Variants in SPATA31E1 observed in about 807,000 individuals in gnomAD.
SPATA31E1 encodes spermatogenesis-associated protein 31E1.
A neutral mutation model predicts 12.9 loss-of-function variants in SPATA31E1; 7 were observed. The observed-to-expected ratio is 0.54, with a 90% CI of 0.31 to 1.02. The LOEUF (loss-of-function observed/expected upper bound fraction) is 1.02. Ranked by LOEUF, SPATA31E1 falls within the 50% of genes least tolerant of loss-of-function variation. SPATA31E1 has a pLI of 0.05. For missense variants in SPATA31E1, 1,961 were observed against 1,799.8 expected, an observed-to-expected ratio of 1.09 and a Z score of -1.62; for synonymous variants, 771 against 719.0, an observed-to-expected ratio of 1.07 and a Z score of -1.16.
At position 87,887,358 on chromosome 9, in the gene SPATA31E1, G is replaced by A; in HGVS notation, c.2871G>A (p.Gly957=). The change falls in exon 4 of 4, where the codon GGG becomes GGA. Residue 957 remains glycine, a synonymous_variant. Transcript: ENST00000325643. ...TTCCGACTGGACACAAGGGCAGGGG[G>A]TGTTCTCAGCCCCCAACATGCAGCC... ...EAFPTGHKGR[G]CSQPPTCSLV... The A allele has an allele frequency of 2.5e-6, 4 of 1,613,828 alleles. No homozygotes were observed. Among genetic ancestry groups the A allele is most frequent in the Non-Finnish European group, 3.4e-6 (4 of 1,180,038 alleles).
Position 87,886,164 on chromosome 9 carries a change from C to T in SPATA31E1, c.1677C>T (p.Val559=). 1.2e-6 allele frequency: 2 copies of T among 1,605,812 alleles called. No homozygotes were observed. Among genetic ancestry groups the T allele is most frequent in the Admixed American group, 3.4e-5 (2 of 59,692 alleles). Residue 559 remains valine, a synonymous_variant, in exon 4 of 4, where the codon GTC becomes GTT. Transcript: ENST00000325643. ...YPTSQERTQS[V]IPTGKEYLEW... ...CATCCCAGGAGAGGACACAGTCTGT[C>T]ATCCCCACTGGAAAGGAGTATCTTG...
At position 87,888,001 on chromosome 9, in the gene SPATA31E1, T is replaced by C. The variant is rs942094973; in HGVS notation, c.3514T>C (p.Trp1172Arg). Residue 1172 changes from tryptophan to arginine, a missense_variant, in exon 4 of 4, where the codon TGG becomes CGG. Physicochemically the swap from Trp to Arg is moderately radical, Grantham distance 101. Transcript: ENST00000325643. ...TASQGPCALL[W>R]KGGDSPGQQE... is the part of the protein sequence containing the mutation. ...TTCCCAGGGGCCATGTGCCCTCCTA[T>C]GGAAGGGAGGGGACAGTCCAGGGCA... The C allele has an allele frequency of 5.6e-6, 9 of 1,613,276 alleles. No individual in the cohort carries two copies. Among genetic ancestry groups the C allele is most frequent in the Middle Eastern group, 1.7e-4 (1 of 6,056 alleles).
At chr9:87,884,857 C>G in intron 3 of SPATA31E1, 56 bp from the exon 4 acceptor site, 1 of 1,547,428 alleles carries the variant, frequency 6.5e-7, no homozygotes, top group Non-Finnish European at 8.7e-7. Flanking sequence ...CCACCCGTCC[C>G]AGCTTCCCGG....
intron 1 of SPATA31E1, among the ~76,000 whole-genome samples, chr9:87,883,602 C>T (rs1485568867): frequency 6.6e-6 from 1 of 152,178 alleles, no homozygotes; most frequent in Non-Finnish European, 1.5e-5. Flanking sequence ...AGCCTGGATT[C>T]GCCTGTGGCT....
Position 87,888,404 on chromosome 9 carries a change from G to A in SPATA31E1, c.3917G>A (p.Arg1306Lys), listed in dbSNP as rs1296663313. The change falls in exon 4 of 4, where the codon AGG becomes AAG. Residue 1306 changes from arginine (R) to lysine (K), a missense_variant. By Grantham distance (26) the Arg-to-Lys change is conservative (BLOSUM62 2). Transcript: ENST00000325643. ...CAGAGCTGGGGGTCTGGCCCACCAA[G>A]GCAGTTTATGGACTGCATGGCTGAC... is the stretch of plus-strand genomic sequence containing the variant. The part of the protein sequence containing the change: ...AFQSWGSGPP[R>K]QFMDCMADKA... 4 of 1,614,154 alleles carry A rather than the reference G, an allele frequency of 2.5e-6. No homozygotes were observed. Among genetic ancestry groups the A allele is most frequent in the Non-Finnish European group, 1.7e-6 (2 of 1,180,028 alleles).
In SPATA31E1 at chr9:87,884,624, C is replaced by G. The variant is rs962261613; in HGVS notation, c.398C>G (p.Thr133Ser). ...ATCCTCCTGAGGGAGCTGGAGGAGACTCGGGACCTGAACTACCTTCTGGAA... is the reference window on the plus strand; with the variant it reads ...ATCCTCCTGAGGGAGCTGGAGGAGAGTCGGGACCTGAACTACCTTCTGGAA... ...CRILLRELEE[T>S]RDLNYLLESH... Residue 133 changes from threonine (T) to serine (S), a missense_variant, in exon 3 of 4, where the codon ACT becomes AGT. Physicochemically the swap from Thr to Ser is moderately conservative, Grantham distance 58. Coordinates refer to ENST00000325643, the MANE Select transcript of SPATA31E1 (RefSeq NM_178828.5). 3 of 1,614,010 alleles carry G rather than the reference C, an allele frequency of 1.9e-6. No individual in the cohort carries two copies. Among genetic ancestry groups the G allele is most frequent in the African/African-American group, 2.7e-5 (2 of 74,918 alleles).
chr9:87,887,356 G>T lies in SPATA31E1; in HGVS notation c.2869G>T (p.Gly957Trp). Residue 957 changes from glycine to tryptophan, a missense_variant, in exon 4 of 4, where the codon GGG (glycine) becomes TGG (tryptophan). Gly to Trp is a radical substitution (Grantham distance 184, BLOSUM62 -2). Transcript: ENST00000325643. ...EAFPTGHKGR[G>W]CSQPPTCSLV... ...CTTTCCGACTGGACACAAGGGCAGG[G>T]GGTGTTCTCAGCCCCCAACATGCAG... 6.2e-7 allele frequency: 1 copy of T among 1,613,146 alleles called. No individual in the cohort carries two copies. Among genetic ancestry groups the T allele is most frequent in the South Asian group, 1.1e-5 (1 of 91,078 alleles).
In SPATA31E1 at chr9:87,883,087, A is replaced by G. The variant is rs1256854418; in HGVS notation, c.196A>G (p.Met66Val). Residue 66 changes from methionine to valine, a missense_variant, in exon 1 of 4, where the codon ATG (methionine) becomes GTG (valine). Transcript: ENST00000325643. ...GAGCCCTAGCTCCACTCCCTGGATG[A>G]TGGATTTCATCCTCACCAGTGTGTG... ...WLSPSSTPWMMDFILTSVCGL... is the reference protein window; with the variant it reads ...WLSPSSTPWMVDFILTSVCGL... 1.2e-6 allele frequency: 2 copies of G among 1,611,608 alleles called. No homozygotes were observed. Among genetic ancestry groups the G allele is most frequent in the East Asian group, 2.2e-5 (1 of 44,814 alleles).
Position 87,886,183 on chromosome 9 carries a change from T to C in SPATA31E1, c.1696T>C (p.Tyr566His), listed in dbSNP as rs1332283394. ...TQSVIPTGKEYLEWPLKKRPK... is the reference protein window; with the variant it reads ...TQSVIPTGKEHLEWPLKKRPK... The stretch of plus-strand genomic sequence containing the variant: ...GTCTGTCATCCCCACTGGAAAGGAG[T>C]ATCTTGAATGGCCCTTGAAGAAGCG... Residue 566 changes from tyrosine to histidine, a missense_variant, in exon 4 of 4, where the codon TAT becomes CAT. Transcript: ENST00000325643. The C allele has an allele frequency of 6.2e-7, 1 of 1,609,170 alleles. No individual in the cohort carries two copies. Among genetic ancestry groups the C allele is most frequent in the South Asian group, 1.1e-5 (1 of 90,508 alleles).
Position 87,885,784 on chromosome 9 carries a change from C to A in SPATA31E1, c.1297C>A (p.Gln433Lys), listed in dbSNP as rs918207096. 9 of 1,613,878 alleles carry A rather than the reference C, an allele frequency of 5.6e-6. No homozygotes were observed. The highest frequency in any genetic ancestry group is 4.0e-5 in the African/African-American group (3 of 74,924). The change falls in exon 4 of 4, where the codon CAG (glutamine) becomes AAG (lysine). Residue 433 changes from glutamine (Q) to lysine (K), a missense_variant. Gln to Lys is a moderately conservative substitution (Grantham distance 53, BLOSUM62 1). Coordinates refer to ENST00000325643, the MANE Select transcript of SPATA31E1 (RefSeq NM_178828.5). ...SDATTVGNHL[Q>K]QKRSQLFWDL... ...TGCCACAACCGTGGGGAACCACTTA[C>A]AGCAGAAACGCAGCCAGCTTTTCTG...
rs1367190833 is a variant in SPATA31E1, at chr9:87,885,562, C to T, written c.1075C>T (p.Pro359Ser). The T allele has an allele frequency of 2.5e-6, 4 of 1,614,180 alleles. No homozygotes were observed. In the African/African-American group the frequency reaches 4.0e-5, roughly 16 times the overall value. ...GGTAGGTGGCTGCACATTCATCCAC[C>T]CTGACGTGCAGAAGCTGCTGGAGAC... is the stretch of plus-strand genomic sequence containing the variant. ...MEVGGCTFIH[P>S]DVQKLLETLI... Residue 359 changes from proline to serine, a missense_variant, in exon 4 of 4, where the codon CCT (proline) becomes TCT (serine). Coordinates refer to ENST00000325643, the MANE Select transcript of SPATA31E1 (RefSeq NM_178828.5).
chr9:87,885,773 G>A lies in SPATA31E1; in HGVS notation c.1286G>A (p.Gly429Glu), dbSNP rs753359007. The A allele has an allele frequency of 2.5e-6, 4 of 1,613,896 alleles. No individual in the cohort carries two copies. Among genetic ancestry groups the A allele is most frequent in the Non-Finnish European group, 3.4e-6 (4 of 1,180,050 alleles). Residue 429 changes from glycine to glutamate, a missense_variant, in exon 4 of 4, where the codon GGG (glycine) becomes GAG (glutamate). Transcript: ENST00000325643. ...CAAGTCTCTGATGCCACAACCGTGG[G>A]GAACCACTTACAGCAGAAACGCAGC... is the stretch of plus-strand genomic sequence containing the variant. Reference protein sequence around the residue: ...PQQVSDATTVGNHLQQKRSQL... With the variant: ...PQQVSDATTVENHLQQKRSQL...
Position 87,888,479 on chromosome 9 carries a change from T to C in SPATA31E1, c.3992T>C (p.Leu1331Pro), listed in dbSNP as rs750255450. The stretch of plus-strand genomic sequence containing the variant: ...GTGGGACAAATCCTGGTGGACAAAC[T>C]GGGGCTTCAGTGGGGACGAGGTCCC... ...RVVGQILVDKLGLQWGRGPSE... is the reference protein window; with the variant it reads ...RVVGQILVDKPGLQWGRGPSE... The change falls in exon 4 of 4, where the codon CTG becomes CCG. Residue 1331 changes from leucine (L) to proline (P), a missense_variant. Coordinates refer to ENST00000325643, the MANE Select transcript of SPATA31E1 (RefSeq NM_178828.5). 1 of 1,614,120 alleles carries C rather than the reference T, an allele frequency of 6.2e-7. No individual in the cohort carries two copies. Among genetic ancestry groups the C allele is most frequent in the Non-Finnish European group, 8.5e-7 (1 of 1,180,010 alleles).
chr9:87,883,567 T>A (rs1828208555), intron 1 of SPATA31E1, among the ~76,000 whole-genome samples: 1 of 152,164 alleles, frequency 6.6e-6, no homozygotes, highest in Non-Finnish European at 1.5e-5. Context: ...GGAGCTGTGC[T>A]GAGCTCCTGA....
rs771415598 is a variant in SPATA31E1 at position 87,886,346 on chromosome 9, C to G, written c.1859C>G (p.Thr620Ser). ...GCCCCCATCCTTCCCGGGGTTGTCA[C>G]CAGCCCTGAGCTCCCAGAGCACTGG... is the stretch of plus-strand genomic sequence containing the variant. The part of the protein sequence containing the change: ...KSAPILPGVV[T>S]SPELPEHWWQ... Residue 620 changes from threonine (T) to serine (S), a missense_variant, in exon 4 of 4, where the codon ACC becomes AGC. Transcript: ENST00000325643. 1.2e-6 allele frequency: 2 copies of G among 1,613,650 alleles called. No individual in the cohort carries two copies. Among genetic ancestry groups the G allele is most frequent in the East Asian group, 4.5e-5 (2 of 44,854 alleles).
chr9:87,888,702 T>C lies in SPATA31E1; in HGVS notation c.4215T>C (p.Pro1405=), dbSNP rs745450430. 67 of 1,613,670 alleles carry C rather than the reference T, an allele frequency of 4.2e-5. No individual in the cohort carries two copies. The highest frequency in any genetic ancestry group is 5.4e-5 in the Non-Finnish European group (64 of 1,179,962). The change falls in exon 4 of 4, where the codon CCT becomes CCC. Residue 1405 remains proline (P), a synonymous_variant. Transcript: ENST00000325643. ...ACAGAGACAGCAGTTGGGCCCCACC[T>C]CCCAGGGAGCCTGTGTCCCCAGCTG... ...IRDRDSSWAP[P]PREPVSPAGP... is the part of the protein sequence containing the mutation.
chr9:87,884,144 G>GA, intron 2 of SPATA31E1, 98 bp downstream of exon 2: 1 of 1,443,554 alleles, frequency 6.9e-7, no homozygotes, highest in Non-Finnish European at 9.5e-7. Context: ...AAGCTCCTGG[G>GA]AGAGAAATCA....
rs1024026592 is a variant in SPATA31E1, at chr9:87,886,432, G to C, written c.1945G>C (p.Ala649Pro). Residue 649 changes from alanine (A) to proline (P), a missense_variant, in exon 4 of 4, where the codon GCA (alanine) becomes CCA (proline). By Grantham distance (27) the Ala-to-Pro change is conservative (BLOSUM62 -1). Coordinates refer to ENST00000325643, the MANE Select transcript of SPATA31E1 (RefSeq NM_178828.5). ...QSCGPPSRLQASGDLLQPDGE... is the reference protein window; with the variant it reads ...QSCGPPSRLQPSGDLLQPDGE... ...CTGTGGCCCTCCCAGCAGATTGCAG[G>C]CATCTGGGGACCTGCTACAGCCTGA... 1.2e-6 allele frequency: 2 copies of C among 1,613,804 alleles called. No individual in the cohort carries two copies. Among genetic ancestry groups the C allele is most frequent in the East Asian group, 2.2e-5 (1 of 44,852 alleles).
rs746689270 is a variant in SPATA31E1 at position 87,888,670 on chromosome 9, ATCAGAG to A, written c.4184_4189del (p.Ile1395_Asp1397delinsAsn). On this transcript the variant is annotated inframe_deletion, in exon 4 of 4. Coordinates refer to ENST00000325643, the MANE Select transcript of SPATA31E1 (RefSeq NM_178828.5). ...CCACTGTCCTGTCAAAAACAGGGGC[ATCAGAG>A]ACAGAGACAGCAGTTGGGCCCCACC... 7 of 1,614,072 alleles carry A rather than the reference ATCAGAG, an allele frequency of 4.3e-6. No homozygotes were observed. Among genetic ancestry groups the A allele is most frequent in the Non-Finnish European group, 5.9e-6 (7 of 1,180,006 alleles).
Sources: allele counts gnomAD v4.1 joint callset (sites outside exome capture counted in the v4.1 genomes callset), GRCh38; gene constraint gnomAD v4.1.1; transcripts MANE v1.5; gene names NCBI Gene and HGNC (gene_info 2026-07-23, HGNC 2026-07-21).